The following LARGE1 variants were observed in gnomAD, a reference collection of about 807,000 sequenced individuals.
LARGE1 encodes LARGE xylosyl- and glucuronyltransferase 1, also known as xylosyl- and glucuronyltransferase LARGE1.
A neutral mutation model predicts 87.6 loss-of-function variants in LARGE1; 43 were observed. The ratio of observed to expected loss-of-function variants is 0.49; its 90% CI spans 0.38 to 0.63. The LOEUF is 0.63. LARGE1 is among the 30% of genes least tolerant of loss of function. The probability of loss-of-function intolerance (pLI) is 0.00; values close to 1 mark genes in which losing one functional copy is unlikely to be tolerated. For synonymous variants in LARGE1, 434 were observed against 394.6 expected, an observed-to-expected ratio of 1.10 and a Z score of -1.18; for missense variants, 802 against 1,000.2, an observed-to-expected ratio of 0.80 and a Z score of 2.67.
chr22:33,779,267 G>A (rs427767), intron 1 of LARGE1, among the ~76,000 whole-genome samples: 50,300 of 151,972 alleles, frequency 0.33, 8,505 homozygotes, highest in East Asian at 0.48. Context: ...CTGGCTCTAT[G>A]GTGGGTGCTT....
intron 7 of LARGE1, among the ~76,000 whole-genome samples, chr22:33,415,953 C>G (rs750216401): frequency 2.6e-5 from 4 of 152,176 alleles, no homozygotes; most frequent in Non-Finnish European, 4.4e-5. Flanking sequence ...TTCCCAGCCT[C>G]GACATGACAG....
intron 1 of LARGE1, among the ~76,000 whole-genome samples, chr22:33,882,831 A>G (rs2064735852): frequency 6.6e-6 from 1 of 152,162 alleles, no homozygotes; most frequent in Non-Finnish European, 1.5e-5. Flanking sequence ...TTGAACTCCA[A>G]GAGCCCCAAA....
chr22:33,358,842 C>CAAA (rs527879817), intron 9 of LARGE1, among the ~76,000 whole-genome samples: 352 of 151,618 alleles, frequency 2.3e-3, no homozygotes, highest in African/African-American at 8.2e-3. Context: ...ACAACAACAA[C>CAAA]AAAAAATTAG....
intron 2 of LARGE1, among the ~76,000 whole-genome samples, chr22:33,676,687 G>C (rs1040130181): frequency 1.3e-5 from 2 of 151,974 alleles, no homozygotes; most frequent in Non-Finnish European, 2.9e-5. Flanking sequence ...CCTTGAACAG[G>C]GGTTGGCAAA....
At chr22:33,387,890 T>C (rs1034772444) in intron 7 of LARGE1, among the ~76,000 whole-genome samples, 1 of 152,232 alleles carries the variant, frequency 6.6e-6, no homozygotes, top group Non-Finnish European at 1.5e-5. Flanking sequence ...TTGCCACATT[T>C]ACTGTTAAAA....
intron 3 of LARGE1, among the ~76,000 whole-genome samples, chr22:33,640,099 A>G (rs1304224802): frequency 6.6e-6 from 1 of 152,242 alleles, no homozygotes; most frequent in East Asian, 1.9e-4. Context: ...ACAGGATGTC[A>G]AGATGAGCTT....
chr22:33,752,408 T>G (rs1382084940), intron 2 of LARGE1, among the ~76,000 whole-genome samples: 1 of 152,110 alleles, frequency 6.6e-6, no homozygotes, highest in Non-Finnish European at 1.5e-5. Context: ...AAAAATAAAA[T>G]AAAATTGACT....
At chr22:33,428,757 C>T (rs1468793986) in intron 7 of LARGE1, among the ~76,000 whole-genome samples, 9 of 67,124 alleles carry the variant, frequency 1.3e-4, no homozygotes, top group African/African-American at 2.5e-4. Context: ...CCCGTCACTA[C>T]TAAAAAAAAA....
intron 5 of LARGE1, among the ~76,000 whole-genome samples, chr22:33,576,506 C>T (rs1403237262): frequency 1.3e-5 from 2 of 152,046 alleles, no homozygotes; most frequent in Non-Finnish European, 2.9e-5. Context: ...ATCCAGGTGG[C>T]TTTGGTGCTA....
chr22:33,329,055 G>A (rs1224329127), intron 10 of LARGE1, among the ~76,000 whole-genome samples: 1 of 152,148 alleles, frequency 6.6e-6, no homozygotes, highest in East Asian at 1.9e-4. Flanking sequence ...AGCACAAAGA[G>A]CTGTGCTCAT....
At chr22:33,763,851 T>C (rs1244481415) in intron 1 of LARGE1, among the ~76,000 whole-genome samples, 4 of 125,800 alleles carry the variant, frequency 3.2e-5, no homozygotes, top group Non-Finnish European at 4.9e-5. Context: ...TTTTTTTTTT[T>C]TTTTTTTTTT....
At chr22:33,765,191 G>A (rs1308322475) in intron 1 of LARGE1, among the ~76,000 whole-genome samples, 2 of 150,202 alleles carry the variant, frequency 1.3e-5, no homozygotes, top group East Asian at 1.9e-4. Context: ...TTAATTAACT[G>A]GCCAAGGATT....
At chr22:33,635,612 A>G (rs534018060) in intron 3 of LARGE1, among the ~76,000 whole-genome samples, 20 of 152,126 alleles carry the variant, frequency 1.3e-4, no homozygotes, top group Non-Finnish European at 2.6e-4. Flanking sequence ...TTCAAGCTGA[A>G]GAAGGTGAGA....
the LARGE1 span, among the ~76,000 whole-genome samples, chr22:33,099,031 T>A: frequency 1.3e-5 from 2 of 152,176 alleles, no homozygotes; most frequent in African/African-American, 4.8e-5. Flanking sequence ...ACCACCCCTT[T>A]GAGTTACCCA....
At chr22:33,211,896 C>T (rs1269260548) in intron 11 of LARGE1, among the ~76,000 whole-genome samples, 1 of 152,176 alleles carries the variant, frequency 6.6e-6, no homozygotes, top group East Asian at 1.9e-4. Context: ...GTATAACATT[C>T]CCTTAAACCA....
chr22:33,743,279 T>C (rs2145554194), intron 2 of LARGE1: 1 of 152,342 alleles, frequency 6.6e-6, no homozygotes, highest in East Asian at 1.9e-4. Flanking sequence ...TGGCTTAATA[T>C]ACCCAGGTAG....
chr22:33,778,776 C>G (rs1399871113), intron 1 of LARGE1, among the ~76,000 whole-genome samples: 2 of 152,108 alleles, frequency 1.3e-5, no homozygotes, highest in Non-Finnish European at 2.9e-5. Context: ...TCAGCCTCCC[C>G]AGTAGCTGGG....
chr22:33,557,958 GC>G (rs2077743641), intron 6 of LARGE1, among the ~76,000 whole-genome samples: 1 of 152,224 alleles, frequency 6.6e-6, no homozygotes, highest in East Asian at 1.9e-4. Flanking sequence ...AACAGGCCAA[GC>G]CTCGCCCTTT....
At chr22:33,282,744 G>T (rs1461906723) in intron 13 of LARGE1, among the ~76,000 whole-genome samples, 1 of 152,170 alleles carries the variant, frequency 6.6e-6, no homozygotes, top group East Asian at 1.9e-4. Context: ...GGCCTCAGGG[G>T]CTCAAAGAAC....
Sources: allele counts gnomAD v4.1 joint callset (sites outside exome capture counted in the v4.1 genomes callset), GRCh38; gene constraint gnomAD v4.1.1; transcripts MANE v1.5; gene names NCBI Gene and HGNC (gene_info 2026-07-23, HGNC 2026-07-21).